ARHGAP26: variants seen among roughly 807,000 people sequenced by gnomAD.
The protein encoded by ARHGAP26 is rho GTPase-activating protein 26.
ARHGAP26 carries 38 observed loss-of-function variants against 104.8 expected under a neutral mutation model. The ratio of observed to expected loss-of-function variants is 0.36; its 90% CI spans 0.28 to 0.48. The LOEUF (loss-of-function observed/expected upper bound fraction) is 0.48, where lower values mean the gene tolerates loss of function less well. ARHGAP26 is among the 20% of genes least tolerant of loss of function. The pLI, the probability that ARHGAP26 is intolerant of heterozygous loss-of-function variation, is 0.99. For missense variants in ARHGAP26, 704 were observed against 947.9 expected (o/e 0.74, Z 3.38); for synonymous variants, 341 against 340.0 (o/e 1.00, Z -0.03).
At chr5:143,179,186 A>C (rs968183123) in intron 20 of ARHGAP26, among the ~76,000 whole-genome samples, 1 of 152,190 alleles carries the variant, frequency 6.6e-6, no homozygotes, top group Non-Finnish European at 1.5e-5. Flanking sequence ...ATGTATCATG[A>C]TAAATACATG....
At chr5:143,106,091 T>A (rs1793975421) in intron 17 of ARHGAP26, among the ~76,000 whole-genome samples, 1 of 152,218 alleles carries the variant, frequency 6.6e-6, no homozygotes, top group South Asian at 2.1e-4. Context: ...TTGTTGTTTG[T>A]CTTGTTTCCC....
At chr5:143,201,399 C>T (rs1807701964) in intron 20 of ARHGAP26, among the ~76,000 whole-genome samples, 1 of 152,142 alleles carries the variant, frequency 6.6e-6, no homozygotes, top group Admixed American at 6.5e-5. Flanking sequence ...TTATCCTTGG[C>T]TTCATTAGTG....
In ARHGAP26 at chr5:142,917,415, A is replaced by C. The variant is rs545997381; in HGVS notation, c.1028+4122A>C. 2.1e-3 allele frequency among the ~76,000 whole-genome samples: 319 copies of C among 152,326 alleles called. 1 individual carries two copies. The highest frequency in any genetic ancestry group is 3.9e-3 in the Non-Finnish European group (267 of 68,022). The stretch of plus-strand genomic sequence containing the variant: ...GGTGGTTGCATTTCAGAGACACCGC[A>C]GTGTCCAGTTTTCAGGCTGTGAAAT... On this transcript the variant is annotated intron_variant, in intron 10 of 22. Transcript: ENST00000645722.
chr5:143,057,694 G>C lies in ARHGAP26; in HGVS notation c.1485G>C (p.Arg495=). 1 of 1,613,914 alleles carries C rather than the reference G, an allele frequency of 6.2e-7. No individual in the cohort carries two copies. The highest frequency in any genetic ancestry group is 8.5e-7 in the Non-Finnish European group (1 of 1,179,876). The part of the protein sequence containing the change: ...RVSEIHSLVH[R]LPEKNRQMLQ... ...CTGAAATCCACAGCCTTGTTCATCG[G>C]CTCCCAGAGAAAAATCGGCAGATGT... is the stretch of plus-strand genomic sequence containing the variant. The change falls in exon 17 of 23, where the codon CGG becomes CGC. Residue 495 remains arginine, a synonymous_variant. Transcript: ENST00000645722.
intron 1 of ARHGAP26, chr5:142,772,840 A>T (rs1755507179): frequency 1.9e-6 from 1 of 533,374 alleles, no homozygotes; most frequent in Non-Finnish European, 3.8e-6. Flanking sequence ...TTGGCATTGA[A>T]TCTGAGGAGG....
chr5:143,081,885 G>A (rs1006489802), intron 17 of ARHGAP26, among the ~76,000 whole-genome samples: 20 of 151,932 alleles, frequency 1.3e-4, no homozygotes, highest in Non-Finnish European at 2.4e-4. Context: ...GTGGTGGTGG[G>A]TGTAGTCCCA....
At chr5:142,774,063 A>G (rs549221683) in intron 1 of ARHGAP26, among the ~76,000 whole-genome samples, 8 of 152,376 alleles carry the variant, frequency 5.3e-5, no homozygotes, top group African/African-American at 1.9e-4. Context: ...TATGTTACTC[A>G]GAAAATCCTA....
chr5:143,182,619 A>G (rs1366032258), intron 20 of ARHGAP26, among the ~76,000 whole-genome samples: 1 of 152,256 alleles, frequency 6.6e-6, no homozygotes, highest in East Asian at 1.9e-4. Flanking sequence ...AAGATGCACA[A>G]GATCATTTAT....
rs371412446 is a variant in ARHGAP26 at position 143,004,879 on chromosome 5, TAGA to T, written c.1108-9192_1108-9190del. Among the ~76,000 whole-genome samples, 33 of 152,152 alleles carry T rather than the reference TAGA, an allele frequency of 2.2e-4. No individual in the cohort carries two copies. The East Asian group carries it at 4.2e-3, about 20-fold the overall frequency. On this transcript the variant is annotated intron_variant, in intron 11 of 22. Transcript: ENST00000645722. ...GCAAAAACAATCTGACCTTGGGCAATAGAAGAAGAAGTGGGGATGAGGAATAGG... is the reference window on the plus strand; with the variant it reads ...GCAAAAACAATCTGACCTTGGGCAATAGAAGAAGTGGGGATGAGGAATAGG...
intron 11 of ARHGAP26, among the ~76,000 whole-genome samples, chr5:142,937,243 CA>C (rs1249982680): frequency 6.6e-6 from 1 of 151,806 alleles, no homozygotes; most frequent in Non-Finnish European, 1.5e-5. Context: ...AGAAAAAGGG[CA>C]AAAGACACAA....
In ARHGAP26 at chr5:143,054,661, G is replaced by A. The variant is rs1598822189; in HGVS notation, c.1373+135G>A. 8.3e-6 allele frequency: 5 copies of A among 600,128 alleles called. No homozygotes were observed. In the East Asian group the frequency reaches 1.1e-4, roughly 13 times the overall value. 37.2% of individuals were successfully genotyped at this position (600,128 alleles called of 1,614,324 possible). A position where few individuals can be genotyped will look rare whatever the true frequency, so the allele number is the denominator to read the frequency against. The stretch of plus-strand genomic sequence containing the variant: ...GTGGAAACAGCTTCTGTGTGGGTGC[G>A]TTTAGCTCAGCTGGTCAAACCAATC... On this transcript the variant is annotated intron_variant, in intron 15 of 22. Transcript: ENST00000645722.
Position 143,101,377 on chromosome 5 carries a change from A to G in ARHGAP26, c.1539-19611A>G, listed in dbSNP as rs1793208071. ...TCTCTTGATGTAGGGTTGTGGCCCC[A>G]TACACCTTCTATTTCTGCTCAGGGA... On this transcript the variant is annotated intron_variant, in intron 17 of 22. Coordinates refer to ENST00000645722, the MANE Select transcript of ARHGAP26 (RefSeq NM_001135608.3). 1.3e-5 allele frequency among the ~76,000 whole-genome samples: 2 copies of G among 152,192 alleles called. 1 individual carries two copies. Among genetic ancestry groups the G allele is most frequent in the South Asian group, 4.1e-4 (2 of 4,826 alleles).
At chr5:142,799,055 T>G (rs1201846667) in intron 1 of ARHGAP26, among the ~76,000 whole-genome samples, 4 of 152,198 alleles carry the variant, frequency 2.6e-5, no homozygotes, top group Admixed American at 2.0e-4. Flanking sequence ...AGAGATAATG[T>G]GTTCCACATT....
chr5:142,825,407 T>A (rs1459172699), intron 1 of ARHGAP26, among the ~76,000 whole-genome samples: 1 of 152,126 alleles, frequency 6.6e-6, no homozygotes, highest in African/African-American at 2.4e-5. Flanking sequence ...GTGCCCTTCC[T>A]GCTCGAGGTG....
intron 10 of ARHGAP26, among the ~76,000 whole-genome samples, chr5:142,914,282 G>A (rs367615780): frequency 2.3e-4 from 35 of 152,348 alleles, no homozygotes; most frequent in African/African-American, 6.7e-4. Flanking sequence ...TGGAGACAGC[G>A]TGCCCCCTTA....
At chr5:143,142,190 G>A (rs1286282983) in intron 19 of ARHGAP26, among the ~76,000 whole-genome samples, 2 of 135,424 alleles carry the variant, frequency 1.5e-5, no homozygotes, top group Non-Finnish European at 3.0e-5. Context: ...AGGCTGTGGA[G>A]TGCAGTGGCA....
At chr5:142,843,582 T>G (rs1243228405) in intron 1 of ARHGAP26, among the ~76,000 whole-genome samples, 5 of 152,150 alleles carry the variant, frequency 3.3e-5, no homozygotes, top group Admixed American at 3.3e-4. Flanking sequence ...ATAATCCCTG[T>G]TTTTCTGCAA....
chr5:143,092,120 C>G (rs941407603), intron 17 of ARHGAP26, among the ~76,000 whole-genome samples: 8 of 150,778 alleles, frequency 5.3e-5, no homozygotes, highest in Admixed American at 2.0e-4. Flanking sequence ...AATTCTTCGA[C>G]ATGCCTCAAC....
At chr5:142,845,727 C>T (rs922001391) in intron 1 of ARHGAP26, among the ~76,000 whole-genome samples, 2 of 152,160 alleles carry the variant, frequency 1.3e-5, no homozygotes, top group Middle Eastern at 3.2e-3. Flanking sequence ...AGATAACTGG[C>T]GGCCCTGTCT....
Sources: gnomAD v4.1 joint callset for allele counts (sites outside exome capture counted in the v4.1 genomes callset) on GRCh38, gnomAD v4.1.1 for gene constraint, MANE v1.5 for transcripts, NCBI Gene and HGNC (gene_info 2026-07-23, HGNC 2026-07-21) for gene names.